PLAAT3: variants seen among roughly 807,000 people sequenced by gnomAD.
The protein encoded by PLAAT3 is phospholipase A and acyltransferase 3, also known as Ca-independent phospholipase A1/2.
In PLAAT3, 21 loss-of-function variants were observed where a neutral mutation model predicts 16.7. That is an observed-to-expected ratio of 1.26 (90% CI 0.89 to 1.81). The LOEUF is 1.81. PLAAT3 is among the 40% of genes most tolerant of loss of function. The pLI is 0.00. For missense variants in PLAAT3, 219 were observed against 213.7 expected, an observed-to-expected ratio of 1.02 and a Z score of -0.16; for synonymous variants, 76 against 81.7, an observed-to-expected ratio of 0.93 and a Z score of 0.38.
intron 2 of PLAAT3, among the ~76,000 whole-genome samples, chr11:63,600,849 C>A (rs1938408126): frequency 6.6e-6 from 1 of 151,906 alleles, no homozygotes; most frequent in South Asian, 2.1e-4. Context: ...GGTGATCCAC[C>A]CGTCTCAGCC....
At chr11:63,598,426 C>T (rs1485797919) in intron 2 of PLAAT3, among the ~76,000 whole-genome samples, 1 of 152,230 alleles carries the variant, frequency 6.6e-6, no homozygotes, top group Non-Finnish European at 1.5e-5. Flanking sequence ...GGAGTCTCTG[C>T]CTTATTATTT....
rs569373405 is a variant in PLAAT3, at chr11:63,590,614, G to A, written c.119-246C>T. Among the ~76,000 whole-genome samples the A allele has an allele frequency of 7.2e-5, 11 of 152,220 alleles. No individual in the cohort carries two copies. In the East Asian group the frequency reaches 1.3e-3, roughly 19 times the overall value. Reference sequence around the variant, plus strand: ...ACTGTGATTTTTTTCTTACTCTAGAGAAGGTGGTCTTCTATACCTCATGAC... The same window carrying A: ...ACTGTGATTTTTTTCTTACTCTAGAAAAGGTGGTCTTCTATACCTCATGAC... On this transcript the variant is annotated intron_variant, in intron 3 of 4. Transcript: ENST00000415826.
chr11:63,574,997 G>A lies in PLAAT3; in HGVS notation c.437C>T (p.Ala146Val). The change falls in exon 5 of 5, where the codon GCC becomes GTC. Residue 146 changes from alanine (A) to valine (V), a missense_variant. Ala to Val is a moderately conservative substitution (Grantham distance 64). Transcript: ENST00000415826. ...GAACATGACTCCAATAAGGCTCATGGCTGCCAAGCCCATTCCTGCAACGCT... is the reference window on the plus strand; with the variant it reads ...GAACATGACTCCAATAAGGCTCATGACTGCCAAGCCCATTCCTGCAACGCT... ...AASVAGMGLAAMSLIGVMFSR... is the reference protein window; with the variant it reads ...AASVAGMGLAVMSLIGVMFSR... 1.9e-6 allele frequency: 3 copies of A among 1,613,670 alleles called. No individual in the cohort carries two copies. Among genetic ancestry groups the A allele is most frequent in the Non-Finnish European group, 2.5e-6 (3 of 1,179,570 alleles).
At chr11:63,583,600 G>A (rs569289911) in intron 4 of PLAAT3, among the ~76,000 whole-genome samples, 2 of 152,330 alleles carry the variant, frequency 1.3e-5, no homozygotes, top group Admixed American at 1.3e-4. Context: ...CTCTCTCCAA[G>A]AGTCAGTGCT....
chr11:63,589,101 C>T (rs941631025), intron 4 of PLAAT3, among the ~76,000 whole-genome samples: 2 of 150,514 alleles, frequency 1.3e-5, no homozygotes, highest in African/African-American at 2.4e-5. Context: ...ATTTAATTCA[C>T]AAGGTAATCC....
Position 63,580,373 on chromosome 11 carries a change from C to T in PLAAT3, c.388-5327G>A, listed in dbSNP as rs1279943976. 4.6e-5 allele frequency among the ~76,000 whole-genome samples: 7 copies of T among 152,112 alleles called. No homozygotes were observed. In the East Asian group the frequency reaches 9.7e-4, roughly 21 times the overall value. On this transcript the variant is annotated intron_variant, in intron 4 of 4. Transcript: ENST00000415826. Reference sequence around the variant, plus strand: ...ATTTACCTTAAAATACAGAAATTATCGGCCAGGTGTGGTGGCTCACGCCTG... The same window carrying T: ...ATTTACCTTAAAATACAGAAATTATTGGCCAGGTGTGGTGGCTCACGCCTG...
chr11:63,590,517 G>C, intron 3 of PLAAT3, 149 bp from the exon 4 acceptor site: 1 of 646,546 alleles, frequency 1.5e-6, no homozygotes, highest in South Asian at 1.9e-5. Flanking sequence ...TGTGGGCCTT[G>C]GGGAAGGTGT....
intron 2 of PLAAT3, among the ~76,000 whole-genome samples, chr11:63,613,111 G>A (rs1239943955): frequency 1.3e-5 from 2 of 152,064 alleles, no homozygotes; most frequent in African/African-American, 4.8e-5. Flanking sequence ...AGTATTAAGT[G>A]ATATAATCTT....
chr11:63,607,698 T>G (rs1250616640), intron 2 of PLAAT3, among the ~76,000 whole-genome samples: 1 of 151,560 alleles, frequency 6.6e-6, no homozygotes, highest in African/African-American at 2.4e-5. Context: ...GCTGCAATCA[T>G]AGAAGCTGGT....
At chr11:63,599,755 T>C (rs1396731263) in intron 2 of PLAAT3, among the ~76,000 whole-genome samples, 1 of 151,740 alleles carries the variant, frequency 6.6e-6, no homozygotes, top group African/African-American at 2.4e-5. Flanking sequence ...AGTTTGGGGA[T>C]TCAAGAATCC....
At chr11:63,577,791 G>T (rs572077156) in intron 4 of PLAAT3, among the ~76,000 whole-genome samples, 1 of 151,910 alleles carries the variant, frequency 6.6e-6, no homozygotes, top group East Asian at 1.9e-4. Context: ...ACAGCATATT[G>T]TATCCAATAA....
chr11:63,603,040 C>G (rs1292939580), intron 2 of PLAAT3, among the ~76,000 whole-genome samples: 1 of 152,232 alleles, frequency 6.6e-6, no homozygotes, highest in East Asian at 1.9e-4. Flanking sequence ...TTGCAGTGAG[C>G]TGAGATCACG....
intron 2 of PLAAT3, among the ~76,000 whole-genome samples, chr11:63,607,983 G>A (rs532370486): frequency 1.1e-4 from 17 of 152,158 alleles, no homozygotes; most frequent in Non-Finnish European, 1.8e-4. Context: ...TCAGGAGATC[G>A]AGACCATCCT....
chr11:63,596,818 G>A (rs12289658), intron 3 of PLAAT3, among the ~76,000 whole-genome samples: 2,489 of 151,814 alleles, frequency 0.016, 53 homozygotes, highest in African/African-American at 0.056. Context: ...GTGGCACTCC[G>A]GACATGGTGG....
At chr11:63,613,723 C>T (rs1938751987) in intron 2 of PLAAT3, among the ~76,000 whole-genome samples, 1 of 19,088 alleles carries the variant, frequency 5.2e-5, no homozygotes, top group South Asian at 0.012. Context: ...GCGGACAGAC[C>T]TGCCCTGGCC....
At position 63,585,166 on chromosome 11, in the gene PLAAT3, C is replaced by A. The variant is rs558357367; in HGVS notation, c.387+4934G>T. ...CAGCCTCCCGAGTAGCCGGGACTAC[C>A]GGTGCACACCACCACGCCCAGCTAA... On this transcript the variant is annotated intron_variant, in intron 4 of 4. Coordinates refer to ENST00000415826, the MANE Select transcript of PLAAT3 (RefSeq NM_001128203.2). Among the ~76,000 whole-genome samples, 12 of 151,928 alleles carry A rather than the reference C, an allele frequency of 7.9e-5. No individual in the cohort carries two copies. The East Asian group carries it at 2.3e-3, about 30-fold the overall frequency.
chr11:63,615,790 C>T (rs899822277), upstream of PLAAT3, among the ~76,000 whole-genome samples: 2 of 151,756 alleles, frequency 1.3e-5, no homozygotes, highest in Admixed American at 1.3e-4. Flanking sequence ...GCCTCAGCCT[C>T]CGGAGTAGTT....
chr11:63,578,884 A>T (rs989960069), intron 4 of PLAAT3, among the ~76,000 whole-genome samples: 2 of 151,950 alleles, frequency 1.3e-5, no homozygotes, highest in African/African-American at 4.8e-5. Flanking sequence ...GATCTAATTA[A>T]ACTAAAGAGC....
rs2957257 is a variant in PLAAT3 at position 63,602,245 on chromosome 11, G to A, written c.16-4082C>T. The stretch of plus-strand genomic sequence containing the variant: ...GCGGAGGTTGCAGTGAGCCAAGATC[G>A]CACCACTGCCCTCCAGCCTGGGTGA... On this transcript the variant is annotated intron_variant, in intron 2 of 4. Transcript: ENST00000415826. Among the ~76,000 whole-genome samples the A allele has an allele frequency of 3.3e-5, 5 of 150,684 alleles. No homozygotes were observed. The South Asian group carries it at 8.4e-4, about 25-fold the overall frequency.
Sources: gnomAD v4.1 joint callset for allele counts (sites outside exome capture counted in the v4.1 genomes callset) on GRCh38, gnomAD v4.1.1 for gene constraint, MANE v1.5 for transcripts, NCBI Gene and HGNC (gene_info 2026-07-23, HGNC 2026-07-21) for gene names.